Variants in TBL1Y observed in about 807,000 individuals in gnomAD.
TBL1Y encodes F-box-like/WD repeat-containing protein TBL1Y.
In TBL1Y, 15 loss-of-function variants were observed where a neutral mutation model predicts 12.0. The observed-to-expected ratio is 1.25, with a 90% CI of 0.83 to 1.92. TBL1Y has a LOEUF of 1.92. Among genes scored for constraint, TBL1Y ranks in the 40% most tolerant of loss-of-function variants. TBL1Y has a pLI of 0.00. For synonymous variants in TBL1Y, 53 were observed against 42.6 expected (o/e 1.24, Z -0.95); for missense variants, 148 against 116.7 (o/e 1.27, Z -1.24).
intron 2 of TBL1Y, among the ~76,000 whole-genome samples, chrY:6,971,953 C>T (rs2012212014): frequency 3.0e-5 from 1 of 33,527 alleles, no homozygotes; most frequent in African/African-American, 1.2e-4. Context: ...TTGCAGATGA[C>T]AGTGGTTTTG....
intron 2 of TBL1Y, among the ~76,000 whole-genome samples, chrY:6,967,181 C>T (rs778582713): frequency 3.1e-5 from 1 of 32,781 alleles, no homozygotes; most frequent in South Asian, 7.0e-4. Context: ...GAGGCAGATA[C>T]TGGAAAGCAG....
intron 2 of TBL1Y, among the ~76,000 whole-genome samples, chrY:6,924,587 CAAAAA>C: frequency 1.7e-4 from 1 of 5,787 alleles, no homozygotes; most frequent in Non-Finnish European, 3.6e-4. Flanking sequence ...GACTCTGTCT[CAAAAA>C]AAAAAAAAAA....
intron 2 of TBL1Y, among the ~76,000 whole-genome samples, chrY:6,916,647 G>A (rs932011599): frequency 6.3e-5 from 2 of 31,981 alleles, no homozygotes; most frequent in South Asian, 1.5e-3. Context: ...CTTGAACTGC[G>A]GAGGTGGAGG....
chrY:7,004,007 T>C (rs2012469174), intron 4 of TBL1Y, among the ~76,000 whole-genome samples: 1 of 33,894 alleles, frequency 3.0e-5, no homozygotes, highest in African/African-American at 1.2e-4. Context: ...AATAGCATAA[T>C]GTATTAATTT....
At chrY:6,947,478 AAAAG>A (rs2011991553) in intron 2 of TBL1Y, among the ~76,000 whole-genome samples, 1 of 33,907 alleles carries the variant, frequency 2.9e-5, no homozygotes, top group African/African-American at 1.2e-4. Context: ...AAGAAAGGAA[AAAAG>A]AAGGAAGAAA....
chrY:7,062,657 G>C, intron 7 of TBL1Y, among the ~76,000 whole-genome samples: 1 of 32,856 alleles, frequency 3.0e-5, no homozygotes, highest in Non-Finnish European at 7.5e-5. Flanking sequence ...TTTGGGGTGA[G>C]GCTCAATTTC....
chrY:7,003,383 G>A (rs908912785), intron 4 of TBL1Y, among the ~76,000 whole-genome samples: 1 of 33,659 alleles, frequency 3.0e-5, no homozygotes, highest in East Asian at 8.0e-4. Flanking sequence ...TGGAGACCAC[G>A]GGCTAGAAAA....
intron 2 of TBL1Y, among the ~76,000 whole-genome samples, chrY:6,949,244 G>A: frequency 3.0e-5 from 1 of 33,846 alleles, no homozygotes; most frequent in Non-Finnish European, 7.3e-5. Flanking sequence ...TCCTTGCTAA[G>A]TGAGAGTACT....
At chrY:6,976,196 A>G in intron 2 of TBL1Y, among the ~76,000 whole-genome samples, 2 of 33,245 alleles carry the variant, frequency 6.0e-5, no homozygotes, top group Non-Finnish European at 1.5e-4. Flanking sequence ...TCAACATCCC[A>G]AAGTGCTGGG....
chrY:7,024,532 A>G (rs765029151), intron 5 of TBL1Y, among the ~76,000 whole-genome samples: 1 of 33,585 alleles, frequency 3.0e-5, no homozygotes, highest in African/African-American at 1.2e-4. Context: ...TGTTGGCTGC[A>G]TAAATGTCTT....
intron 8 of TBL1Y, among the ~76,000 whole-genome samples, chrY:7,068,306 A>C (rs1013790450): frequency 6.1e-5 from 2 of 32,715 alleles, no homozygotes; most frequent in Non-Finnish European, 7.5e-5. Context: ...CCATCTCAAA[A>C]AAACAAACAA....
At chrY:6,965,677 T>A in intron 2 of TBL1Y, among the ~76,000 whole-genome samples, 3 of 33,900 alleles carry the variant, frequency 8.8e-5, no homozygotes, top group African/African-American at 3.4e-4. Flanking sequence ...GGAAGTATAA[T>A]AAAAGTACTG....
intron 2 of TBL1Y, among the ~76,000 whole-genome samples, chrY:6,952,712 T>C (rs2012039692): frequency 3.0e-5 from 1 of 33,369 alleles, no homozygotes; most frequent in Admixed American, 2.7e-4. Flanking sequence ...AATTTGATCC[T>C]TTCACTATGA....
At chrY:6,961,363 A>T (rs2012124856) in intron 2 of TBL1Y, among the ~76,000 whole-genome samples, 1 of 32,355 alleles carries the variant, frequency 3.1e-5, no homozygotes, top group African/African-American at 1.2e-4. Context: ...TGGCAACTTC[A>T]TCTGTTCTTT....
chrY:7,069,481 C>A (rs1603048910), intron 8 of TBL1Y, among the ~76,000 whole-genome samples: 1 of 33,767 alleles, frequency 3.0e-5, no homozygotes, highest in African/African-American at 1.2e-4. Flanking sequence ...CTTGTGGATG[C>A]TGTCTTCTCC....
At chrY:7,022,724 T>A (rs2012589604) in intron 5 of TBL1Y, among the ~76,000 whole-genome samples, 1 of 32,837 alleles carries the variant, frequency 3.0e-5, no homozygotes, top group Non-Finnish European at 7.4e-5. Context: ...TGGGCTACTA[T>A]GAAAAAGATG....
chrY:7,063,875 G>A, intron 7 of TBL1Y, 22 bp from the exon 8 acceptor site: 2 of 397,783 alleles, frequency 5.0e-6, no homozygotes, highest in African/African-American at 6.2e-5. Flanking sequence ...GCTGATGGCT[G>A]TCCCTTGGCT....
intron 7 of TBL1Y, among the ~76,000 whole-genome samples, chrY:7,063,585 A>G (rs1044172672): frequency 6.0e-5 from 2 of 33,135 alleles, no homozygotes; most frequent in Admixed American, 2.7e-4. Flanking sequence ...GGTAATCTGA[A>G]TGAGTCAGGG....
chrY:6,938,679 G>A (rs2011921809), intron 2 of TBL1Y, among the ~76,000 whole-genome samples: 1 of 33,727 alleles, frequency 3.0e-5, no homozygotes, highest in Non-Finnish European at 7.4e-5. Flanking sequence ...TCTTGGTCTC[G>A]CTGACTTCAA....
Sources: allele counts gnomAD v4.1 joint callset (sites outside exome capture counted in the v4.1 genomes callset), GRCh38; gene constraint gnomAD v4.1.1; transcripts MANE v1.5; gene names NCBI Gene and HGNC (gene_info 2026-07-23, HGNC 2026-07-21).